Variants in SYN3 observed in about 807,000 individuals in gnomAD.
The protein encoded by SYN3 is synapsin III.
In SYN3, 35 loss-of-function variants were observed where a neutral mutation model predicts 65.8. The observed-to-expected ratio is 0.53, with a 90% CI of 0.41 to 0.70. SYN3 has a LOEUF of 0.70. SYN3 is among the 30% of genes least tolerant of loss of function. The pLI is 0.00. For missense variants in SYN3, 680 were observed against 749.0 expected (o/e 0.91, Z 1.08); for synonymous variants, 270 against 292.9 (o/e 0.92, Z 0.80).
chr22:32,590,603 T>C (rs1223726573), intron 7 of SYN3, among the ~76,000 whole-genome samples: 2 of 152,250 alleles, frequency 1.3e-5, no homozygotes, highest in Non-Finnish European at 2.9e-5. Context: ...GAAGTGGTTG[T>C]ACAAATTTAT....
At chr22:32,951,558 C>T (rs1220653996) in intron 3 of SYN3, among the ~76,000 whole-genome samples, 1 of 152,208 alleles carries the variant, frequency 6.6e-6, no homozygotes, top group Admixed American at 6.5e-5. Context: ...TAAAACAGTG[C>T]CTGTGCTCCG....
chr22:32,718,976 G>A (rs533206799), intron 6 of SYN3, among the ~76,000 whole-genome samples: 2 of 152,192 alleles, frequency 1.3e-5, no homozygotes, highest in South Asian at 2.1e-4. Context: ...TTGCTTTTAT[G>A]TCCACTTCTT....
At chr22:32,519,065 C>T (rs1267397203) in intron 12 of SYN3, among the ~76,000 whole-genome samples, 1 of 152,114 alleles carries the variant, frequency 6.6e-6, no homozygotes, top group Non-Finnish European at 1.5e-5. Context: ...AGAAGCTGTA[C>T]CAGAAACCAA....
At chr22:32,605,376 C>T (rs910022879) in intron 6 of SYN3, among the ~76,000 whole-genome samples, 2 of 151,982 alleles carry the variant, frequency 1.3e-5, no homozygotes, top group African/African-American at 4.8e-5. Context: ...AGGCAGCCGT[C>T]GAGGGTTTGG....
chr22:32,596,979 A>G (rs2059209447), intron 6 of SYN3, among the ~76,000 whole-genome samples: 1 of 152,168 alleles, frequency 6.6e-6, no homozygotes, highest in African/African-American at 2.4e-5. Flanking sequence ...ATCTGCAGAG[A>G]CAATGGAGTG....
intron 6 of SYN3, among the ~76,000 whole-genome samples, chr22:32,746,847 C>T (rs1602047742): frequency 6.6e-6 from 1 of 152,144 alleles, no homozygotes; most frequent in Admixed American, 6.5e-5. Context: ...ACATTCTTTC[C>T]CATTAAGCCA....
chr22:32,803,762 C>T (rs192211005), intron 6 of SYN3, among the ~76,000 whole-genome samples: 32 of 152,304 alleles, frequency 2.1e-4, no homozygotes, highest in Middle Eastern at 6.8e-3. Context: ...GGCCAGGAGG[C>T]TGGCAGGTGG....
intron 1 of SYN3, chr22:33,015,489 A>T (rs1601909878): frequency 9.7e-6 from 2 of 205,310 alleles, no homozygotes; most frequent in East Asian, 2.5e-4. Context: ...AATTTAGCTG[A>T]CAACCAGTGC....
chr22:32,550,939 G>A (rs1429668562), intron 7 of SYN3, among the ~76,000 whole-genome samples: 1 of 152,172 alleles, frequency 6.6e-6, no homozygotes, highest in Non-Finnish European at 1.5e-5. Flanking sequence ...GATAACTTGA[G>A]TATCAGAAAG....
At chr22:32,967,820 G>T (rs2051892146) in intron 3 of SYN3, among the ~76,000 whole-genome samples, 1 of 152,212 alleles carries the variant, frequency 6.6e-6, no homozygotes, top group Non-Finnish European at 1.5e-5. Context: ...GCCCAGTGGG[G>T]GCTCCTCTCA....
rs1432308479 is a variant in SYN3 at position 32,707,331 on chromosome 22, C to A, written c.712-110595G>T. On this transcript the variant is annotated intron_variant, in intron 6 of 13. Transcript: ENST00000358763. ...CTCATGTTAGTGTAAGTCAGAAAAA[C>A]CCCAGGCCATATGGAGGAAACGTCA... 3.3e-5 allele frequency among the ~76,000 whole-genome samples: 5 copies of A among 152,158 alleles called. No individual in the cohort carries two copies. The South Asian group carries it at 6.2e-4, about 19-fold the overall frequency.
intron 6 of SYN3, among the ~76,000 whole-genome samples, chr22:32,661,515 T>G (rs1280368937): frequency 6.6e-6 from 1 of 152,238 alleles, no homozygotes; most frequent in Non-Finnish European, 1.5e-5. Context: ...TACTTTCTTT[T>G]TTTTCTTTCT....
intron 6 of SYN3, chr22:32,861,176 G>GA (rs397690270): frequency 8.8e-4 from 126 of 143,214 alleles, no homozygotes; most frequent in Middle Eastern, 7.2e-3. Context: ...AACAGAAGAA[G>GA]AAAAAAAAAA....
intron 6 of SYN3, among the ~76,000 whole-genome samples, chr22:32,604,979 C>A (rs1442317674): frequency 7.1e-6 from 1 of 140,720 alleles, no homozygotes; most frequent in Admixed American, 7.5e-5. Flanking sequence ...GCACACCAGC[C>A]TGGGCGATAG....
At chr22:32,543,536 C>A (rs1037868977) in intron 7 of SYN3, among the ~76,000 whole-genome samples, 5 of 152,170 alleles carry the variant, frequency 3.3e-5, no homozygotes, top group African/African-American at 9.7e-5. Context: ...GGCAAGAGTT[C>A]CCTATTTTCC....
At chr22:32,641,477 G>A (rs1444637282) in intron 6 of SYN3, among the ~76,000 whole-genome samples, 2 of 151,664 alleles carry the variant, frequency 1.3e-5, no homozygotes, top group Non-Finnish European at 2.9e-5. Flanking sequence ...GCGTGGTGGC[G>A]GGCGCCTGTA....
At chr22:33,015,274 G>C in intron 1 of SYN3, 1 of 508,246 alleles carries the variant, frequency 2.0e-6, no homozygotes, top group South Asian at 2.2e-5. Context: ...TATCCAAAAG[G>C]AGCAGACTAT....
At chr22:32,549,646 C>G (rs541905027) in intron 7 of SYN3, among the ~76,000 whole-genome samples, 1 of 152,314 alleles carries the variant, frequency 6.6e-6, no homozygotes, top group Admixed American at 6.5e-5. Context: ...CGCCTGTAAT[C>G]CCAGCATTTT....
chr22:32,611,513 C>T lies in SYN3; in HGVS notation c.712-14777G>A, dbSNP rs925160818. On this transcript the variant is annotated intron_variant, in intron 6 of 13. Transcript: ENST00000358763. Reference sequence around the variant, plus strand: ...TTCACTATGTTGGCCAGGCTGGTCTCGAACTCCTGACCTCGTGATCTGCCC... The same window carrying T: ...TTCACTATGTTGGCCAGGCTGGTCTTGAACTCCTGACCTCGTGATCTGCCC... Among the ~76,000 whole-genome samples the T allele has an allele frequency of 3.3e-5, 5 of 152,010 alleles. No individual in the cohort carries two copies. The East Asian group carries it at 5.8e-4, about 18-fold the overall frequency.
Sources: allele counts gnomAD v4.1 joint callset (sites outside exome capture counted in the v4.1 genomes callset), GRCh38; gene constraint gnomAD v4.1.1; transcripts MANE v1.5; gene names NCBI Gene and HGNC (gene_info 2026-07-23, HGNC 2026-07-21).